Variants in LRP6 observed in about 807,000 individuals in gnomAD.
The protein encoded by LRP6 is low-density lipoprotein receptor-related protein 6.
Under a neutral mutation model 184.1 loss-of-function variants are expected in LRP6, and 43 were observed. That is an observed-to-expected ratio of 0.23 (90% CI 0.18 to 0.30). LRP6 has a LOEUF of 0.30. Ranked by LOEUF, LRP6 falls within the 10% of genes least tolerant of loss-of-function variation. LRP6 has a pLI of 1.00. For synonymous variants in LRP6, 719 were observed against 684.9 expected, an observed-to-expected ratio of 1.05 and a Z score of -0.78; for missense variants, 1,571 against 2,005.3, an observed-to-expected ratio of 0.78 and a Z score of 4.14.
At chr12:12,200,384 T>G (rs1863883853) in intron 3 of LRP6, among the ~76,000 whole-genome samples, 1 of 152,156 alleles carries the variant, frequency 6.6e-6, no homozygotes, top group African/African-American at 2.4e-5. Flanking sequence ...TAGCTTCAAC[T>G]CTGTTCATGA....
intron 3 of LRP6, among the ~76,000 whole-genome samples, chr12:12,199,354 C>T (rs530343560): frequency 6.6e-6 from 1 of 152,028 alleles, no homozygotes; most frequent in Non-Finnish European, 1.5e-5. Flanking sequence ...GTTGAATACA[C>T]TGGCAGGAAC....
chr12:12,228,466 G>A (rs370169252), intron 2 of LRP6, among the ~76,000 whole-genome samples: 1 of 152,230 alleles, frequency 6.6e-6, no homozygotes, highest in African/African-American at 2.4e-5. Flanking sequence ...AGCAGAATGA[G>A]TCTTTAGTCT....
In LRP6 at chr12:12,117,533, A is replaced by G. The variant is rs959744268; in HGVS notation, c.*3593T>C. On this transcript the variant is annotated 3_prime_UTR_variant, in exon 23 of 23. Transcript: ENST00000261349. ...TGAAGTGGGACAAAGCTTCCCCTACAAGAAATAAAACAATTCAAAATATGA... is the reference window on the plus strand; with the variant it reads ...TGAAGTGGGACAAAGCTTCCCCTACGAGAAATAAAACAATTCAAAATATGA... 1.3e-5 allele frequency: 2 copies of G among 152,262 alleles called. No homozygotes were observed. Among genetic ancestry groups the G allele is most frequent in the Non-Finnish European group, 2.9e-5 (2 of 68,028 alleles). 9.4% of individuals were successfully genotyped at this position (152,262 alleles called of 1,614,324 possible).
intron 7 of LRP6, among the ~76,000 whole-genome samples, chr12:12,178,761 T>C (rs994888925): frequency 6.6e-6 from 1 of 152,206 alleles, no homozygotes; most frequent in Admixed American, 6.5e-5. Flanking sequence ...AATTTTCTAT[T>C]AATGAAAACC....
Position 12,150,853 on chromosome 12 carries a change from G to T in LRP6, c.2977C>A (p.Gln993Lys), listed in dbSNP as rs925621511. The T allele has an allele frequency of 1.9e-6, 3 of 1,613,672 alleles. No homozygotes were observed. Among genetic ancestry groups the T allele is most frequent in the Admixed American group, 1.7e-5 (1 of 59,996 alleles). The stretch of plus-strand genomic sequence containing the variant: ...TCAATTACCTGGCTGCCATCTTCTT[G>T]TGCCTTTCGGATCATGTTTTGTCGT... Reference protein sequence around the residue: ...DSRQNMIRKAQEDGSQGFTVV... With the variant: ...DSRQNMIRKAKEDGSQGFTVV... The change falls in exon 13 of 23, where the codon CAA becomes AAA. Residue 993 changes from glutamine to lysine, a missense_variant. Physicochemically the swap from Gln to Lys is moderately conservative, Grantham distance 53 (BLOSUM62 1). This residue lies in a region of LRP6 where 763 missense variants were observed against 859.5 expected (regional missense o/e 0.89). Transcript: ENST00000261349.
At chr12:12,158,766 A>C in intron 12 of LRP6, 63 bp downstream of exon 12, 5 of 1,498,964 alleles carry the variant, frequency 3.3e-6, no homozygotes, top group Non-Finnish European at 4.6e-6. Flanking sequence ...AACACACACT[A>C]AAGTACTTTG....
chr12:12,159,683 G>T, intron 11 of LRP6, 97 bp downstream of exon 11: 1 of 1,126,394 alleles, frequency 8.9e-7, no homozygotes, highest in Non-Finnish European at 1.3e-6. Flanking sequence ...ACATTCATAT[G>T]AAGTTGTATT....
At chr12:12,204,038 G>A (rs1863983438) in intron 2 of LRP6, among the ~76,000 whole-genome samples, 3 of 152,056 alleles carry the variant, frequency 2.0e-5, no homozygotes, top group Admixed American at 2.0e-4. Flanking sequence ...AAACCCAGTG[G>A]ATACCACCTT....
chr12:12,156,076 G>C (rs1359093786), intron 12 of LRP6, among the ~76,000 whole-genome samples: 1 of 152,022 alleles, frequency 6.6e-6, no homozygotes. Context: ...ATAAATAGTA[G>C]AGTATATAAA....
intron 15 of LRP6, among the ~76,000 whole-genome samples, chr12:12,139,841 T>C (rs1180421084): frequency 4.6e-5 from 7 of 151,990 alleles, no homozygotes; most frequent in South Asian, 2.1e-4. Flanking sequence ...AGCTGGAGAA[T>C]AGATAGACCA....
chr12:12,153,215 A>C (rs932946561), intron 12 of LRP6, among the ~76,000 whole-genome samples: 1 of 152,226 alleles, frequency 6.6e-6, no homozygotes, highest in Non-Finnish European at 1.5e-5. Context: ...TTGGCTGGGC[A>C]CAGTGGTTCA....
chr12:12,209,852 A>G (rs1864162423), intron 2 of LRP6, among the ~76,000 whole-genome samples: 2 of 152,160 alleles, frequency 1.3e-5, no homozygotes, highest in African/African-American at 4.8e-5. Context: ...AGGAGTGGCA[A>G]GTATATTGAG....
At chr12:12,179,521 T>C (rs1442355091) in intron 7 of LRP6, among the ~76,000 whole-genome samples, 14 of 152,150 alleles carry the variant, frequency 9.2e-5, no homozygotes, top group Admixed American at 9.2e-4. Context: ...CCTAGGAAAT[T>C]CAGAAAGTGG....
chr12:12,249,010 G>C, intron 1 of LRP6: 1 of 594,226 alleles, frequency 1.7e-6, no homozygotes, highest in East Asian at 2.9e-5. Flanking sequence ...CCACAGGCTC[G>C]GGGGTAAAAG....
intron 5 of LRP6, 135 bp downstream of exon 5, chr12:12,183,845 C>G: frequency 1.4e-6 from 1 of 733,944 alleles, no homozygotes; most frequent in Admixed American, 2.2e-5. Flanking sequence ...TATTCTATAA[C>G]CATGTGTGAA....
At chr12:12,131,053 G>GA (rs1423242145) in intron 18 of LRP6, among the ~76,000 whole-genome samples, 160 bp from the exon 19 acceptor site, 5 of 138,506 alleles carry the variant, frequency 3.6e-5, no homozygotes, top group South Asian at 2.3e-4. Context: ...TTGAGAGAGA[G>GA]AAAAAAGAGT....
chr12:12,130,238 G>A (rs1037963971), intron 19 of LRP6, among the ~76,000 whole-genome samples: 8 of 150,754 alleles, frequency 5.3e-5, no homozygotes, highest in African/African-American at 2.0e-4. Flanking sequence ...CTAGGCTAGA[G>A]TGCAATGGTG....
chr12:12,251,686 A>G (rs777184634), intron 1 of LRP6, among the ~76,000 whole-genome samples: 2 of 152,138 alleles, frequency 1.3e-5, no homozygotes, highest in Admixed American at 6.5e-5. Flanking sequence ...TGCTTTTAAT[A>G]AAGAAGTTAT....
In LRP6 at chr12:12,267,000, C is replaced by T. The variant is rs1329205893; in HGVS notation, c.-265G>A. 1.9e-6 allele frequency: 1 copy of T among 523,740 alleles called. No individual in the cohort carries two copies. 32.4% of individuals were successfully genotyped at this position (523,740 alleles called of 1,614,324 possible). ...CCCCCGGCGCCCCGCTTCCCCCGCG[C>T]AGCTCCTCATTCAGCCTCTGCCTCG... On this transcript the variant is annotated 5_prime_UTR_variant, in exon 1 of 23. Transcript: ENST00000261349.
Sources: gnomAD v4.1 joint callset for allele counts (sites outside exome capture counted in the v4.1 genomes callset) on GRCh38, gnomAD v4.1.1 for gene constraint, gnomAD v4.1.1 regional missense constraint, MANE v1.5 for transcripts, NCBI Gene and HGNC (gene_info 2026-07-23, HGNC 2026-07-21) for gene names.